The following EPB41L5 variants were observed in gnomAD, a reference collection of about 807,000 sequenced individuals.
EPB41L5 encodes band 4.1-like protein 5.
In EPB41L5, 55 loss-of-function variants were observed where a neutral mutation model predicts 106.6. The observed-to-expected ratio is 0.52, with a 90% CI of 0.42 to 0.65. The LOEUF (loss-of-function observed/expected upper bound fraction) is 0.65, where lower values mean the gene tolerates loss of function less well. Ranked by LOEUF, EPB41L5 falls within the 30% of genes least tolerant of loss-of-function variation. The pLI, the probability that EPB41L5 is intolerant of heterozygous loss-of-function variation, is 0.00. For synonymous variants in EPB41L5, 297 were observed against 306.7 expected, an observed-to-expected ratio of 0.97 and a Z score of 0.33; for missense variants, 871 against 882.1, an observed-to-expected ratio of 0.99 and a Z score of 0.16.
At position 120,167,629 on chromosome 2, in the gene EPB41L5, G is replaced by GAACTT; in HGVS notation, c.2004+130_2004+134dup. On this transcript the variant is annotated intron_variant, in intron 23 of 24. Transcript: ENST00000263713. ...GGTTGTTATCAAAGCCTTGTTAACT[G>GAACTT]AACTTAACTTAATGGCTTCAAGCTA... is the stretch of plus-strand genomic sequence containing the variant. 1.5e-5 allele frequency: 17 copies of GAACTT among 1,130,690 alleles called. No homozygotes were observed. The Admixed American group carries it at 1.9e-4, about 13-fold the overall frequency. The allele number at this position is 1,130,690 out of a possible 1,614,324, so 70.0% of individuals were successfully genotyped here. A position where few individuals can be genotyped will look rare whatever the true frequency, so the allele number is the denominator to read the frequency against.
chr2:120,092,995 C>T (rs984350520), intron 13 of EPB41L5, among the ~76,000 whole-genome samples: 12 of 152,168 alleles, frequency 7.9e-5, no homozygotes, highest in African/African-American at 2.7e-4. Flanking sequence ...AATCCCAGCA[C>T]TTTGGGAGGC....
intron 16 of EPB41L5, among the ~76,000 whole-genome samples, chr2:120,111,454 G>C (rs1253117137): frequency 6.6e-6 from 1 of 152,134 alleles, no homozygotes; most frequent in Non-Finnish European, 1.5e-5. Context: ...TGGAAGTGAG[G>C]TCCAGCAATC....
chr2:120,076,260 A>G (rs906493767), intron 7 of EPB41L5, among the ~76,000 whole-genome samples: 1 of 151,910 alleles, frequency 6.6e-6, no homozygotes. Flanking sequence ...GACAGGGACT[A>G]TATTTAGATT....
chr2:120,019,382 T>C, intron 2 of EPB41L5, 118 bp downstream of exon 2: 1 of 865,354 alleles, frequency 1.2e-6, no homozygotes, highest in Non-Finnish European at 1.7e-6. Flanking sequence ...TATGGGTTAG[T>C]ATAGATCAGG....
chr2:120,131,580 C>T, intron 17 of EPB41L5, 38 bp from the exon 18 acceptor site: 1 of 1,468,298 alleles, frequency 6.8e-7, no homozygotes, highest in Non-Finnish European at 9.5e-7. Context: ...GACAGCCTGG[C>T]AGACTGGGGT....
chr2:120,037,011 C>G (rs1215923774), intron 2 of EPB41L5, among the ~76,000 whole-genome samples: 1 of 151,588 alleles, frequency 6.6e-6, no homozygotes. Flanking sequence ...AAAAGAAATG[C>G]ATCCAAATGG....
At position 120,041,990 on chromosome 2, in the gene EPB41L5, TA is replaced by T; in HGVS notation, c.181-15del. On this transcript the variant is annotated splice_polypyrimidine_tract_variant and intron_variant, in intron 2 of 24. Coordinates refer to ENST00000263713, the MANE Select transcript of EPB41L5 (RefSeq NM_020909.4). ...ATAAACCACTTATTGATTTACTTAT[TA>T]TCTTGCCATTTCAGAAAAAAGCCAA... is the stretch of plus-strand genomic sequence containing the variant. 1 of 1,581,764 alleles carries T rather than the reference TA, an allele frequency of 6.3e-7. No individual in the cohort carries two copies. The highest frequency in any genetic ancestry group is 8.7e-7 in the Non-Finnish European group (1 of 1,152,614).
At chr2:120,050,394 T>G (rs535947228) in intron 3 of EPB41L5, among the ~76,000 whole-genome samples, 2 of 152,324 alleles carry the variant, frequency 1.3e-5, no homozygotes, top group African/African-American at 4.8e-5. Flanking sequence ...ACTTCTCACT[T>G]CATTTCATTC....
At chr2:120,134,993 T>G (rs965672576) in intron 18 of EPB41L5, among the ~76,000 whole-genome samples, 2 of 151,968 alleles carry the variant, frequency 1.3e-5, no homozygotes, top group East Asian at 3.9e-4. Flanking sequence ...CAGAGAGAGA[T>G]ATGTGACCTT....
intron 3 of EPB41L5, among the ~76,000 whole-genome samples, chr2:120,071,997 A>G (rs1019395620): frequency 6.6e-6 from 1 of 152,234 alleles, no homozygotes; most frequent in South Asian, 2.1e-4. Flanking sequence ...CAGGCAATGT[A>G]CAAAATGTAC....
In EPB41L5 at chr2:120,131,614, T is replaced by A. The variant is rs199643225; in HGVS notation, c.1502-4T>A. The A allele has an allele frequency of 6.2e-7, 1 of 1,609,432 alleles. No homozygotes were observed. On this transcript the variant is annotated splice_region_variant and splice_polypyrimidine_tract_variant and intron_variant, in intron 17 of 24. Transcript: ENST00000263713. ...GTTATTTTGCCTTTTTTTTTTCTTT[T>A]CAGCATTAAAAGACACCTCAGAGAA...
chr2:120,084,885 A>G (rs960801625), intron 10 of EPB41L5, among the ~76,000 whole-genome samples: 10 of 152,090 alleles, frequency 6.6e-5, no homozygotes, highest in African/African-American at 2.2e-4. Flanking sequence ...TTGATCTTCA[A>G]TCACTGATAC....
At chr2:120,044,242 T>C (rs1403941130) in intron 3 of EPB41L5, among the ~76,000 whole-genome samples, 2 of 152,064 alleles carry the variant, frequency 1.3e-5, no homozygotes, top group Non-Finnish European at 2.9e-5. Flanking sequence ...GTGACATTAG[T>C]GTAGGAGATA....
intron 18 of EPB41L5, among the ~76,000 whole-genome samples, chr2:120,139,847 C>T (rs376718151): frequency 2.0e-5 from 3 of 152,042 alleles, no homozygotes; most frequent in South Asian, 2.1e-4. Flanking sequence ...ATCAGTATAT[C>T]GAAGAGATAT....
chr2:120,167,049 C>T (rs1028164385), intron 22 of EPB41L5, among the ~76,000 whole-genome samples: 2 of 152,082 alleles, frequency 1.3e-5, no homozygotes. Flanking sequence ...TTTCTTGTTG[C>T]TCTTTATTTG....
At chr2:120,045,440 A>G (rs1222091322) in intron 3 of EPB41L5, among the ~76,000 whole-genome samples, 1 of 152,196 alleles carries the variant, frequency 6.6e-6, no homozygotes, top group Non-Finnish European at 1.5e-5. Flanking sequence ...CATGTGAGAG[A>G]GAGTTATAGT....
chr2:120,108,260 A>C (rs1030169764), intron 16 of EPB41L5: 1 of 152,126 alleles, frequency 6.6e-6, no homozygotes, highest in African/African-American at 2.4e-5. Flanking sequence ...GATTCAGAGA[A>C]CAGTGTTTTC....
Position 120,142,991 on chromosome 2 carries a change from T to A in EPB41L5, c.1600-12T>A. ...ATCAGAGTTGATTATAGTATATTTT[T>A]AAAATATCTAGGAGGAAGTGGTGAA... On this transcript the variant is annotated splice_polypyrimidine_tract_variant and intron_variant, in intron 18 of 24. Transcript: ENST00000263713. 3 of 1,608,040 alleles carry A rather than the reference T, an allele frequency of 1.9e-6. No individual in the cohort carries two copies. The highest frequency in any genetic ancestry group is 1.7e-6 in the Non-Finnish European group (2 of 1,175,280).
At chr2:120,167,340 A>AC in intron 22 of EPB41L5, 126 bp from the exon 23 acceptor site, 1 of 744,198 alleles carries the variant, frequency 1.3e-6, no homozygotes, top group East Asian at 2.7e-5. Context: ...AGCTCAAGGA[A>AC]CACCATTAAG....
Sources: allele counts gnomAD v4.1 joint callset (sites outside exome capture counted in the v4.1 genomes callset), GRCh38; gene constraint gnomAD v4.1.1; transcripts MANE v1.5; gene names NCBI Gene and HGNC (gene_info 2026-07-23, HGNC 2026-07-21).